Variants in TNPO1 observed in about 807,000 individuals in gnomAD.
TNPO1 encodes the protein transportin 1.
In TNPO1, 8 loss-of-function variants were observed where a neutral mutation model predicts 119.5. The observed-to-expected ratio is 0.07, with a 90% CI of 0.04 to 0.12. The LOEUF is 0.12. Among genes scored for constraint, TNPO1 ranks in the 10% least tolerant of loss-of-function variants. TNPO1 has a pLI of 1.00. For missense variants in TNPO1, 576 were observed against 1,089.8 expected (o/e 0.53, Z 6.64); for synonymous variants, 362 against 363.0 (o/e 1.00, Z 0.03).
chr5:72,848,367 G>C lies in TNPO1; in HGVS notation c.16-18G>C, dbSNP rs748198709. ...TAACAGTTGCTCCGTCTCTTCCTGT[G>C]TCTGGCTTTATTTGCAGCAAACCAA... On this transcript the variant is annotated intron_variant, in intron 1 of 24. Transcript: ENST00000337273. 2.7e-5 allele frequency: 43 copies of C among 1,608,012 alleles called. No homozygotes were observed. In the East Asian group the frequency reaches 9.5e-4, roughly 35 times the overall value.
chr5:72,837,528 A>G (rs1215552732), intron 1 of TNPO1, among the ~76,000 whole-genome samples: 1 of 152,204 alleles, frequency 6.6e-6, no homozygotes, highest in African/African-American at 2.4e-5. Context: ...AAGTTTCAAC[A>G]TGAATTTTGG....
intron 20 of TNPO1, 140 bp from the exon 21 acceptor site, chr5:72,899,866 G>T (rs1749692222): frequency 1.5e-6 from 1 of 656,896 alleles, no homozygotes; most frequent in Non-Finnish European, 2.6e-6. Flanking sequence ...GAAATCTTAT[G>T]TTTATTATCA....
chr5:72,899,613 T>C (rs1439968075), intron 20 of TNPO1, among the ~76,000 whole-genome samples: 1 of 152,178 alleles, frequency 6.6e-6, no homozygotes, highest in Non-Finnish European at 1.5e-5. Flanking sequence ...ATTTTATTAT[T>C]AAATTCTGAA....
At chr5:72,824,914 C>G (rs1369607063) in intron 1 of TNPO1, among the ~76,000 whole-genome samples, 1 of 152,184 alleles carries the variant, frequency 6.6e-6, no homozygotes, top group Non-Finnish European at 1.5e-5. Context: ...AACTTTCTCC[C>G]CAATGCCTGC....
chr5:72,901,254 T>A (rs1276025180), intron 22 of TNPO1, among the ~76,000 whole-genome samples, 181 bp downstream of exon 22: 1 of 152,030 alleles, frequency 6.6e-6, no homozygotes, highest in African/African-American at 2.4e-5. Context: ...TTTTCCTAAA[T>A]TTTTTTTGTC....
At chr5:72,877,488 A>G (rs1747884207) in intron 9 of TNPO1, 142 bp downstream of exon 9, 10 of 481,044 alleles carry the variant, frequency 2.1e-5, no homozygotes, top group Non-Finnish European at 3.7e-5. Flanking sequence ...TTGTTGGTAA[A>G]GAGATTTTTC....
At chr5:72,848,194 CAGG>C (rs1173285106) in intron 1 of TNPO1, 188 bp from the exon 2 acceptor site, 44 of 1,236,714 alleles carry the variant, frequency 3.6e-5, no homozygotes, top group Middle Eastern at 2.3e-4. Flanking sequence ...GCCGGGCTGC[CAGG>C]AGCAGTTCCG....
intron 13 of TNPO1, among the ~76,000 whole-genome samples, chr5:72,889,057 AATTTT>A (rs1288658528): frequency 6.6e-6 from 1 of 151,988 alleles, no homozygotes; most frequent in African/African-American, 2.4e-5. Flanking sequence ...AAAAAAGGAA[AATTTT>A]ATTTTATTTT....
At chr5:72,818,566 G>A (rs540949328) in intron 1 of TNPO1, among the ~76,000 whole-genome samples, 61 of 152,258 alleles carry the variant, frequency 4.0e-4, no homozygotes, top group Non-Finnish European at 6.0e-4. Context: ...GTTATAAAGT[G>A]ACGTCAAACC....
At chr5:72,816,908 G>A (rs1743718665) in intron 1 of TNPO1, 156 bp downstream of exon 1, 3 of 929,352 alleles carry the variant, frequency 3.2e-6, no homozygotes, top group Non-Finnish European at 4.6e-6. Flanking sequence ...GCGGCGGCGC[G>A]GTTCTAACCC....
At position 72,855,937 on chromosome 5, in the gene TNPO1, C is replaced by G. The variant is rs1218171748; in HGVS notation, c.355+14C>G. 2 of 1,611,664 alleles carry G rather than the reference C, an allele frequency of 1.2e-6. No individual in the cohort carries two copies. The highest frequency in any genetic ancestry group is 1.3e-5 in the African/African-American group (1 of 74,824). On this transcript the variant is annotated intron_variant, in intron 4 of 24. Transcript: ENST00000337273. ...GAGCCACTGTTGGTAAGTTATATTA[C>G]AACAGTTTTGCTTACTTTGTTTGTA... is the stretch of plus-strand genomic sequence containing the variant.
chr5:72,875,720 A>T lies in TNPO1; in HGVS notation c.784A>T (p.Met262Leu). The stretch of plus-strand genomic sequence containing the variant: ...TCGAATGGATCGCCTGCTTCCTCAC[A>T]TGCATAATATAGTTGAGGTAACACT... ...EVRMDRLLPH[M>L]HNIVEYMLQR... is the part of the protein sequence containing the mutation. Residue 262 changes from methionine (M) to leucine (L), a missense_variant, in exon 8 of 25, where the codon ATG becomes TTG. Around this residue, in one of 6 missense-constraint regions of TNPO1, gnomAD observed 310 missense variants for 583.0 expected, o/e 0.53. Transcript: ENST00000337273. 1.2e-6 allele frequency: 2 copies of T among 1,610,878 alleles called. No individual in the cohort carries two copies. Among genetic ancestry groups the T allele is most frequent in the Non-Finnish European group, 1.7e-6 (2 of 1,177,560 alleles).
At chr5:72,840,157 C>G (rs184969917) in intron 1 of TNPO1, among the ~76,000 whole-genome samples, 1 of 152,140 alleles carries the variant, frequency 6.6e-6, no homozygotes, top group Non-Finnish European at 1.5e-5. Context: ...GTTAAGTTCT[C>G]TAAGGGTTAG....
intron 24 of TNPO1, among the ~76,000 whole-genome samples, chr5:72,907,881 TGAAAAAAATTAAAAA>T (rs1436819075): frequency 1.3e-5 from 2 of 151,684 alleles, no homozygotes; most frequent in Non-Finnish European, 2.9e-5. Context: ...TCCATCTCTA[TGAAAAAAATTAAAAA>T]GAAAAAAATG....
At chr5:72,885,818 G>A (rs1055061780) in intron 11 of TNPO1, among the ~76,000 whole-genome samples, 4 of 147,556 alleles carry the variant, frequency 2.7e-5, no homozygotes, top group African/African-American at 7.5e-5. Context: ...CCTAGTTCAC[G>A]TTGGAAATTT....
chr5:72,893,016 T>TA, intron 15 of TNPO1, 123 bp from the exon 16 acceptor site: 1 of 691,984 alleles, frequency 1.4e-6, no homozygotes, highest in Non-Finnish European at 2.5e-6. Context: ...GGGAACCTGC[T>TA]ACTGTAGAAA....
chr5:72,901,513 A>G (rs1258119727), intron 22 of TNPO1, among the ~76,000 whole-genome samples: 3 of 152,192 alleles, frequency 2.0e-5, no homozygotes, highest in African/African-American at 7.2e-5. Context: ...CAAATCAGCC[A>G]TTGAAATTGC....
In TNPO1 at chr5:72,893,603, T is replaced by C. The variant is rs1397174359; in HGVS notation, c.2056-13T>C. ...GTGTCACATTGGGGTTAATTTCTTCTTATTTCTTGTAGGATAAAATGCCAG... is the reference window on the plus strand; with the variant it reads ...GTGTCACATTGGGGTTAATTTCTTCCTATTTCTTGTAGGATAAAATGCCAG... On this transcript the variant is annotated splice_polypyrimidine_tract_variant and intron_variant, in intron 17 of 24. Coordinates refer to ENST00000337273, the MANE Select transcript of TNPO1 (RefSeq NM_002270.4). 6.2e-7 allele frequency: 1 copy of C among 1,614,242 alleles called. No individual in the cohort carries two copies. The highest frequency in any genetic ancestry group is 8.5e-7 in the Non-Finnish European group (1 of 1,180,040).
At chr5:72,885,532 G>A (rs1172453974) in intron 11 of TNPO1, among the ~76,000 whole-genome samples, 1 of 152,182 alleles carries the variant, frequency 6.6e-6, no homozygotes. Flanking sequence ...TTTTCTAAAA[G>A]TGAAATCAGA....
Sources: gnomAD v4.1 joint callset for allele counts (sites outside exome capture counted in the v4.1 genomes callset) on GRCh38, gnomAD v4.1.1 for gene constraint, gnomAD v4.1.1 regional missense constraint, MANE v1.5 for transcripts, NCBI Gene and HGNC (gene_info 2026-07-23, HGNC 2026-07-21) for gene names.